Variants in MAPK10 observed in about 807,000 individuals in gnomAD.
MAPK10 encodes the protein mitogen-activated protein kinase 10.
A neutral mutation model predicts 59.3 loss-of-function variants in MAPK10; 25 were observed. That is an observed-to-expected ratio of 0.42 (90% CI 0.31 to 0.59). MAPK10 has a LOEUF of 0.59. MAPK10 is among the 20% of genes least tolerant of loss of function. MAPK10 has a pLI of 0.15. For synonymous variants in MAPK10, 190 were observed against 200.5 expected, an observed-to-expected ratio of 0.95 and a Z score of 0.44; for missense variants, 351 against 568.9, an observed-to-expected ratio of 0.62 and a Z score of 3.90.
intron 1 of MAPK10, among the ~76,000 whole-genome samples, chr4:86,531,750 A>G (rs767593408): frequency 3.9e-5 from 6 of 152,204 alleles, no homozygotes; most frequent in Non-Finnish European, 8.8e-5. Flanking sequence ...CAAAGCATCC[A>G]GGATTGGGGG....
In MAPK10 at chr4:86,583,843, C is replaced by A. The variant is rs191014183; in HGVS notation, c.-263+10067G>T. 1.1e-4 allele frequency among the ~76,000 whole-genome samples: 17 copies of A among 152,208 alleles called. No homozygotes were observed. The East Asian group carries it at 1.7e-3, about 16-fold the overall frequency. On this transcript the variant is annotated intron_variant, in intron 1 of 4. Transcript: ENST00000502302. ...TAACAGTGCTTTAAATAAAAGATAT[C>A]TTTTATCTTATCTAAATTGAGGTAC...
intron 2 of MAPK10, among the ~76,000 whole-genome samples, chr4:86,289,177 A>T (rs949474347): frequency 2.6e-5 from 4 of 152,158 alleles, no homozygotes; most frequent in African/African-American, 9.7e-5. Context: ...CAGAAAGAAC[A>T]CCTAGAGAAA....
At chr4:86,354,697 AT>A in intron 1 of MAPK10, 53 bp from the exon 2 acceptor site, 1 of 784,642 alleles carries the variant, frequency 1.3e-6, no homozygotes, top group Non-Finnish European at 1.7e-6. Flanking sequence ...TTAAATTTGT[AT>A]TTAGAAAACC....
intron 3 of MAPK10, among the ~76,000 whole-genome samples, chr4:86,163,804 G>A (rs1455406944): frequency 6.6e-6 from 1 of 152,086 alleles, no homozygotes; most frequent in Non-Finnish European, 1.5e-5. Context: ...AATGCAGATC[G>A]ACATGTAAAC....
intron 3 of MAPK10, chr4:86,193,867 C>T (rs972784867): frequency 6.3e-6 from 1 of 158,706 alleles, no homozygotes; most frequent in Admixed American, 6.1e-5. Flanking sequence ...GTGCTTGAAA[C>T]CCAGGACCCT....
At chr4:86,539,937 T>C (rs912362232) in intron 1 of MAPK10, among the ~76,000 whole-genome samples, 6 of 152,238 alleles carry the variant, frequency 3.9e-5, no homozygotes, top group Admixed American at 6.5e-5. Context: ...GCAAATCCGA[T>C]GCAGCCCTGG....
At chr4:86,133,052 C>A (rs951492739) in intron 4 of MAPK10, among the ~76,000 whole-genome samples, 2 of 152,104 alleles carry the variant, frequency 1.3e-5, no homozygotes, top group Non-Finnish European at 2.9e-5. Flanking sequence ...AGGTTGGAGA[C>A]CACTCAAATT....
At chr4:86,211,306 C>G (rs897947755) in intron 2 of MAPK10, among the ~76,000 whole-genome samples, 1 of 151,902 alleles carries the variant, frequency 6.6e-6, no homozygotes, top group Non-Finnish European at 1.5e-5. Context: ...AAGCCAAAGA[C>G]AAAGAGAGAA....
intron 1 of MAPK10, among the ~76,000 whole-genome samples, chr4:86,503,545 T>C (rs924528955): frequency 1.3e-5 from 2 of 152,108 alleles, no homozygotes; most frequent in African/African-American, 4.8e-5. Flanking sequence ...AACCTCTCCA[T>C]TGCAATTCCA....
At chr4:86,564,961 G>C (rs900569813) in intron 1 of MAPK10, among the ~76,000 whole-genome samples, 1 of 152,096 alleles carries the variant, frequency 6.6e-6, no homozygotes, top group Non-Finnish European at 1.5e-5. Context: ...TTGGCATCTC[G>C]AGAACTTATC....
intron 1 of MAPK10, among the ~76,000 whole-genome samples, chr4:86,389,580 A>G (rs1401339075): frequency 2.6e-5 from 4 of 152,144 alleles, no homozygotes; most frequent in Non-Finnish European, 5.9e-5. Flanking sequence ...CGGTCCAACT[A>G]TAAGTTGGGA....
intron 2 of MAPK10, among the ~76,000 whole-genome samples, chr4:86,343,695 G>A (rs756869068): frequency 2.0e-5 from 3 of 152,010 alleles, no homozygotes; most frequent in East Asian, 1.9e-4. Flanking sequence ...TGTCACTCTC[G>A]TACTCTCACA....
At chr4:86,346,077 G>A (rs957269727) in intron 2 of MAPK10, among the ~76,000 whole-genome samples, 2 of 152,180 alleles carry the variant, frequency 1.3e-5, no homozygotes, top group African/African-American at 2.4e-5. Flanking sequence ...ATAACACAGA[G>A]TCAGACATCT....
At chr4:86,508,894 G>C (rs115810933) in intron 1 of MAPK10, among the ~76,000 whole-genome samples, 3,937 of 152,250 alleles carry the variant, frequency 0.026, 86 homozygotes, top group Non-Finnish European at 0.041. Context: ...ACTCCAGCTG[G>C]CTACATGGCT....
At chr4:86,112,312 T>G (rs1210411714) in intron 4 of MAPK10, among the ~76,000 whole-genome samples, 3 of 152,134 alleles carry the variant, frequency 2.0e-5, no homozygotes, top group Non-Finnish European at 4.4e-5. Flanking sequence ...TGTTAGGGTA[T>G]CAATTTGAGA....
intron 1 of MAPK10, among the ~76,000 whole-genome samples, chr4:86,417,454 T>C (rs1241599621): frequency 2.0e-5 from 3 of 152,226 alleles, no homozygotes; most frequent in African/African-American, 7.2e-5. Flanking sequence ...TTTCCAAATG[T>C]ATTACTTTCT....
chr4:86,473,377 T>C (rs531254402), intron 1 of MAPK10, among the ~76,000 whole-genome samples: 2 of 152,276 alleles, frequency 1.3e-5, no homozygotes, highest in Admixed American at 1.3e-4. Context: ...ACTGTGAAGG[T>C]TCTCTGAATT....
In MAPK10 at chr4:86,055,912, T is replaced by G. The variant is rs968982578; in HGVS notation, c.1110+8354A>C. Reference sequence around the variant, plus strand: ...CAAACTGACTTCCTTCTCAGACAAATCAAATGACAGCAAACAAAAATAATG... The same window carrying G: ...CAAACTGACTTCCTTCTCAGACAAAGCAAATGACAGCAAACAAAAATAATG... On this transcript the variant is annotated intron_variant, in intron 11 of 13. Coordinates refer to ENST00000641462, the MANE Select transcript of MAPK10 (RefSeq NM_138982.4). Among the ~76,000 whole-genome samples the G allele has an allele frequency of 5.3e-5, 8 of 149,924 alleles. 1 individual carries two copies. Among genetic ancestry groups the G allele is most frequent in the African/African-American group, 2.0e-4 (8 of 40,022 alleles).
At chr4:86,283,130 T>C (rs753582767) in intron 2 of MAPK10, among the ~76,000 whole-genome samples, 2 of 152,210 alleles carry the variant, frequency 1.3e-5, no homozygotes, top group Non-Finnish European at 2.9e-5. Context: ...TATTTCTAAT[T>C]ATATTTCCTT....
Sources: allele counts gnomAD v4.1 joint callset (sites outside exome capture counted in the v4.1 genomes callset), GRCh38; gene constraint gnomAD v4.1.1; transcripts MANE v1.5; gene names NCBI Gene and HGNC (gene_info 2026-07-23, HGNC 2026-07-21).